SHISA9: variants seen among roughly 807,000 people sequenced by gnomAD.
SHISA9 encodes the protein protein shisa-9.
A neutral mutation model predicts 38.0 loss-of-function variants in SHISA9; 13 were observed. The observed-to-expected ratio is 0.34, with a 90% CI of 0.22 to 0.54. The LOEUF is 0.54. Among genes scored for constraint, SHISA9 ranks in the 20% least tolerant of loss-of-function variants. The probability of loss-of-function intolerance (pLI) is 0.91; values close to 1 mark genes in which losing one functional copy is unlikely to be tolerated. For missense variants in SHISA9, 538 were observed against 575.8 expected (o/e 0.93, Z 0.67); for synonymous variants, 275 against 242.0 (o/e 1.14, Z -1.27).
At chr16:13,120,770 G>T (rs2050202095) in intron 2 of SHISA9, among the ~76,000 whole-genome samples, 2 of 152,174 alleles carry the variant, frequency 1.3e-5, no homozygotes, top group South Asian at 4.1e-4. Flanking sequence ...AATACTGTTA[G>T]CGAGGGAAGA....
At chr16:13,557,304 A>G in the SHISA9 span, among the ~76,000 whole-genome samples, 2 of 152,216 alleles carry the variant, frequency 1.3e-5, no homozygotes, top group Admixed American at 1.3e-4. Context: ...ATGAATTCAG[A>G]TAATTAGACC....
At chr16:12,948,653 A>G (rs749458522) in intron 2 of SHISA9, among the ~76,000 whole-genome samples, 5 of 152,150 alleles carry the variant, frequency 3.3e-5, no homozygotes, top group Admixed American at 1.3e-4. Flanking sequence ...CAAGCTCCCT[A>G]GGATCTGTCT....
chr16:13,452,515 G>A, the SHISA9 span, among the ~76,000 whole-genome samples: 1 of 152,168 alleles, frequency 6.6e-6, no homozygotes, highest in Non-Finnish European at 1.5e-5. Flanking sequence ...AAACAAAGGT[G>A]GGTAGGTGGA....
chr16:13,430,481 A>G, the SHISA9 span, among the ~76,000 whole-genome samples: 2 of 152,180 alleles, frequency 1.3e-5, no homozygotes, highest in Non-Finnish European at 2.9e-5. Flanking sequence ...CTAGTATCCT[A>G]AACACCACCA....
At chr16:13,100,739 C>G (rs566895725) in intron 2 of SHISA9, among the ~76,000 whole-genome samples, 9 of 152,258 alleles carry the variant, frequency 5.9e-5, no homozygotes, top group Admixed American at 5.2e-4. Context: ...TGAGGTTTCG[C>G]TCTTGTTGCC....
At chr16:13,011,837 T>C (rs9302493) in intron 2 of SHISA9, among the ~76,000 whole-genome samples, 88,706 of 151,030 alleles carry the variant, frequency 0.59, 26,199 homozygotes, top group Middle Eastern at 0.63. Context: ...TTTTTTTTTT[T>C]GTTTTTGAGA....
At chr16:13,079,372 G>A (rs12325635) in intron 2 of SHISA9, among the ~76,000 whole-genome samples, 32 of 152,154 alleles carry the variant, frequency 2.1e-4, no homozygotes, top group African/African-American at 7.7e-4. Context: ...TTAGTACAGT[G>A]TCTTACCTAT....
At chr16:13,336,824 C>T in the SHISA9 span, among the ~76,000 whole-genome samples, 3 of 152,296 alleles carry the variant, frequency 2.0e-5, no homozygotes, top group East Asian at 1.9e-4. Flanking sequence ...TCACCTATAA[C>T]ACCATCAAAG....
intron 2 of SHISA9, among the ~76,000 whole-genome samples, chr16:13,108,303 GT>G (rs200197426): frequency 6.6e-6 from 1 of 151,984 alleles, no homozygotes. Context: ...TAATTGTTTT[GT>G]TTTTTTGTAG....
At chr16:13,283,942 G>A in the SHISA9 span, among the ~76,000 whole-genome samples, 3 of 151,960 alleles carry the variant, frequency 2.0e-5, no homozygotes, top group Non-Finnish European at 4.4e-5. Context: ...ATCTCACCTT[G>A]AGAATGGACA....
chr16:13,482,449 G>A, the SHISA9 span, among the ~76,000 whole-genome samples: 8 of 152,146 alleles, frequency 5.3e-5, 1 homozygote, highest in African/African-American at 1.9e-4. Flanking sequence ...CATAACAACA[G>A]TTATGTCATT....
chr16:13,229,155 G>A (rs1372355206), intron 4 of SHISA9, among the ~76,000 whole-genome samples: 3 of 152,190 alleles, frequency 2.0e-5, no homozygotes, highest in African/African-American at 7.2e-5. Context: ...GCGAGACACT[G>A]TCTCAAAAAA....
At chr16:13,137,124 G>A (rs991212335) in intron 2 of SHISA9, among the ~76,000 whole-genome samples, 1 of 152,168 alleles carries the variant, frequency 6.6e-6, no homozygotes, top group African/African-American at 2.4e-5. Flanking sequence ...CAGCTTGTGA[G>A]AAGTCAAGTC....
chr16:13,101,020 T>C (rs746711774), intron 2 of SHISA9, among the ~76,000 whole-genome samples: 9 of 152,222 alleles, frequency 5.9e-5, no homozygotes, highest in Non-Finnish European at 1.2e-4. Context: ...TTAGATTCCA[T>C]ATCTAGGTGG....
At chr16:12,927,843 ATC>A (rs2071412743) in intron 2 of SHISA9, among the ~76,000 whole-genome samples, 1 of 152,148 alleles carries the variant, frequency 6.6e-6, no homozygotes, top group Admixed American at 6.5e-5. Context: ...AGAAAAGTCT[ATC>A]TCATCACATT....
intron 2 of SHISA9, among the ~76,000 whole-genome samples, chr16:13,092,790 G>A (rs558477039): frequency 1.5e-4 from 23 of 152,232 alleles, no homozygotes; most frequent in African/African-American, 3.1e-4. Context: ...GTGAGGTGAC[G>A]CTCCGCCCTG....
At chr16:13,517,640 G>A in the SHISA9 span, among the ~76,000 whole-genome samples, 2 of 152,032 alleles carry the variant, frequency 1.3e-5, no homozygotes, top group Admixed American at 1.3e-4. Context: ...TATATGTCCC[G>A]TTCATTGAGT....
chr16:13,409,667 A>G, the SHISA9 span, among the ~76,000 whole-genome samples: 1 of 152,216 alleles, frequency 6.6e-6, no homozygotes, highest in Non-Finnish European at 1.5e-5. Flanking sequence ...CACCAACCCT[A>G]TTCCTAATGT....
At chr16:13,203,964 CATCT>C (rs1176349069) in intron 3 of SHISA9, among the ~76,000 whole-genome samples, 1 of 152,034 alleles carries the variant, frequency 6.6e-6, no homozygotes, top group Non-Finnish European at 1.5e-5. Flanking sequence ...GTCTGTCTAT[CATCT>C]ATCAATCCAT....
Sources: gnomAD v4.1 joint callset for allele counts (sites outside exome capture counted in the v4.1 genomes callset) on GRCh38, gnomAD v4.1.1 for gene constraint, MANE v1.5 for transcripts, NCBI Gene and HGNC (gene_info 2026-07-23, HGNC 2026-07-21) for gene names.